CNBD1: variants seen among roughly 807,000 people sequenced by gnomAD.
CNBD1 encodes the protein cyclic nucleotide binding domain containing 1, also known as cyclic nucleotide-binding domain-containing protein 1.
Under a neutral mutation model 54.4 loss-of-function variants are expected in CNBD1, and 71 were observed. The ratio of observed to expected loss-of-function variants is 1.30; its 90% confidence interval spans 1.08 to 1.59. The LOEUF (loss-of-function observed/expected upper bound fraction) is 1.59. Among genes scored for constraint, CNBD1 ranks in the 40% most tolerant of loss-of-function variants. The pLI, the probability that CNBD1 is intolerant of heterozygous loss-of-function variation, is 0.00. For missense variants in CNBD1, 659 were observed against 518.0 expected (o/e 1.27, Z -2.64); for synonymous variants, 182 against 170.7 (o/e 1.07, Z -0.51).
intron 4 of CNBD1, among the ~76,000 whole-genome samples, chr8:87,039,718 A>G (rs1462115600): frequency 6.6e-6 from 1 of 152,132 alleles, no homozygotes; most frequent in Non-Finnish European, 1.5e-5. Flanking sequence ...AGTCTCCTCG[A>G]GAATTTGGGG....
rs554167156 is a variant in CNBD1, at chr8:86,906,010, A to G, written c.272+816A>G. On this transcript the variant is annotated intron_variant, in intron 3 of 10. Coordinates refer to ENST00000518476, the MANE Select transcript of CNBD1 (RefSeq NM_173538.3). Reference sequence around the variant, plus strand: ...TAATAACTTCTATTGCCATATCTGTAAGACTGTATTTTGCTTGTGTGTTTG... The same window carrying G: ...TAATAACTTCTATTGCCATATCTGTGAGACTGTATTTTGCTTGTGTGTTTG... Among the ~76,000 whole-genome samples, 5 of 152,242 alleles carry G rather than the reference A, an allele frequency of 3.3e-5. No homozygotes were observed. In the East Asian group the frequency reaches 9.7e-4, roughly 29 times the overall value.
intron 6 of CNBD1, among the ~76,000 whole-genome samples, chr8:87,272,287 T>A (rs1284311951): frequency 6.6e-6 from 1 of 152,068 alleles, no homozygotes; most frequent in Admixed American, 6.6e-5. Context: ...ACATCCCAGT[T>A]ACTCTGATTT....
chr8:87,290,842 T>C (rs556067130), intron 8 of CNBD1, among the ~76,000 whole-genome samples: 3 of 152,292 alleles, frequency 2.0e-5, no homozygotes, highest in East Asian at 1.9e-4. Flanking sequence ...GTTAATTTTA[T>C]TGGGATTCAC....
At chr8:87,214,755 G>A (rs1814172438) in intron 5 of CNBD1, among the ~76,000 whole-genome samples, 1 of 152,152 alleles carries the variant, frequency 6.6e-6, no homozygotes, top group South Asian at 2.1e-4. Context: ...ATGGCAGCAG[G>A]CAACAGAGAA....
chr8:87,342,752 G>T (rs1381467924), intron 8 of CNBD1, among the ~76,000 whole-genome samples: 1 of 152,080 alleles, frequency 6.6e-6, no homozygotes, highest in Non-Finnish European at 1.5e-5. Context: ...ACACGAACAG[G>T]GAGTAGGTCA....
At chr8:87,133,503 T>C (rs551097186) in intron 4 of CNBD1, among the ~76,000 whole-genome samples, 1 of 152,310 alleles carries the variant, frequency 6.6e-6, no homozygotes, top group Admixed American at 6.5e-5. Context: ...ATAAGGTAGG[T>C]ATAATTATCC....
At chr8:86,897,320 T>C (rs1808860971) in intron 2 of CNBD1, among the ~76,000 whole-genome samples, 1 of 152,184 alleles carries the variant, frequency 6.6e-6, no homozygotes, top group African/African-American at 2.4e-5. Context: ...TACAGAAATC[T>C]AGTTACCAAA....
rs77771467 is a variant in CNBD1, at chr8:87,156,038, C to T, written c.432-49955C>T. ...GGCATCCTAGGAACACTAACATTTA[C>T]GGGGCAGTTGAAGGGAAGAAATAAA... is the stretch of plus-strand genomic sequence containing the variant. On this transcript the variant is annotated intron_variant, in intron 4 of 10. Coordinates refer to ENST00000518476, the MANE Select transcript of CNBD1 (RefSeq NM_173538.3). Among the ~76,000 whole-genome samples, 428 of 151,694 alleles carry T rather than the reference C, an allele frequency of 2.8e-3. 3 individuals are homozygous for T. The highest frequency in any genetic ancestry group is 9.1e-3 in the African/African-American group (377 of 41,322).
intron 5 of CNBD1, among the ~76,000 whole-genome samples, chr8:87,230,523 A>G (rs188518122): frequency 1.3e-5 from 2 of 152,248 alleles, no homozygotes; most frequent in East Asian, 3.9e-4. Flanking sequence ...TTCAGATGTT[A>G]GAACACATTT....
intron 4 of CNBD1, among the ~76,000 whole-genome samples, chr8:87,201,981 AGTTT>A (rs1208990063): frequency 1.3e-5 from 2 of 152,264 alleles, no homozygotes; most frequent in African/African-American, 4.8e-5. Flanking sequence ...CATCCAACAT[AGTTT>A]GTTTGATAGA....
chr8:87,174,859 C>T (rs1056145308), intron 4 of CNBD1, among the ~76,000 whole-genome samples: 2 of 152,146 alleles, frequency 1.3e-5, no homozygotes, highest in African/African-American at 4.8e-5. Context: ...TGGATAAGTT[C>T]AGGAAGAATT....
intron 3 of CNBD1, among the ~76,000 whole-genome samples, chr8:86,909,700 CT>C (rs1396961038): frequency 6.6e-6 from 1 of 152,158 alleles, no homozygotes; most frequent in Non-Finnish European, 1.5e-5. Flanking sequence ...AATTTATACT[CT>C]CCAAACTTTA....
intron 10 of CNBD1, among the ~76,000 whole-genome samples, chr8:87,381,352 A>G (rs62526859): frequency 0.055 from 8,325 of 152,104 alleles, 263 homozygotes; most frequent in African/African-American, 0.063. Context: ...ACCTATTAGC[A>G]TTGCTTATAT....
intron 4 of CNBD1, among the ~76,000 whole-genome samples, chr8:87,025,320 C>A (rs1458712562): frequency 2.0e-5 from 3 of 152,176 alleles, no homozygotes; most frequent in African/African-American, 7.2e-5. Flanking sequence ...TCCCCTTCCA[C>A]TCTGTGGAAG....
chr8:87,288,706 G>T (rs1002030159), intron 8 of CNBD1, among the ~76,000 whole-genome samples: 1 of 151,968 alleles, frequency 6.6e-6, no homozygotes, highest in Non-Finnish European at 1.5e-5. Context: ...ATAAACGGTG[G>T]TGTTTGTTAA....
At chr8:87,196,587 A>G (rs1813727100) in intron 4 of CNBD1, among the ~76,000 whole-genome samples, 1 of 152,200 alleles carries the variant, frequency 6.6e-6, no homozygotes, top group African/African-American at 2.4e-5. Flanking sequence ...TAGAACACCA[A>G]GGTCATGAGT....
At chr8:86,869,299 A>T (rs886115455) in intron 1 of CNBD1, among the ~76,000 whole-genome samples, 1 of 152,182 alleles carries the variant, frequency 6.6e-6, no homozygotes, top group Non-Finnish European at 1.5e-5. Context: ...CACAGATGTT[A>T]AGTAGCAGAG....
intron 9 of CNBD1, among the ~76,000 whole-genome samples, chr8:87,352,743 T>A (rs1012712862): frequency 6.6e-6 from 1 of 152,140 alleles, no homozygotes. Context: ...ATTACTGTGG[T>A]AGAAAAGTTA....
chr8:86,929,138 T>C (rs1809415389), intron 3 of CNBD1, among the ~76,000 whole-genome samples: 1 of 152,216 alleles, frequency 6.6e-6, no homozygotes, highest in African/African-American at 2.4e-5. Flanking sequence ...CCTTTTCTCC[T>C]TCACCATTTT....
Sources: allele counts gnomAD v4.1 joint callset (sites outside exome capture counted in the v4.1 genomes callset), GRCh38; gene constraint gnomAD v4.1.1; transcripts MANE v1.5; gene names NCBI Gene and HGNC (gene_info 2026-07-23, HGNC 2026-07-21).